Variants in CD99 observed in about 807,000 individuals in gnomAD.
The protein encoded by CD99 is CD99 molecule (Xg blood group).
In CD99, 19 loss-of-function variants were observed where a neutral mutation model predicts 28.4. That is an observed-to-expected ratio of 0.67 (90% confidence interval 0.47 to 0.98). The LOEUF (loss-of-function observed/expected upper bound fraction) is 0.98. Ranked by LOEUF, CD99 falls within the 50% of genes least tolerant of loss-of-function variation. The probability of loss-of-function intolerance (pLI) is 0.00; values close to 1 mark genes in which losing one functional copy is unlikely to be tolerated. For missense variants in CD99, 283 were observed against 248.8 expected (o/e 1.14, Z -0.92); for synonymous variants, 103 against 92.1 (o/e 1.12, Z -0.67).
At chrX:2,730,293 T>C (rs57649237) in intron 8 of CD99, among the ~76,000 whole-genome samples, 1 of 151,846 alleles carries the variant, frequency 6.6e-6, no homozygotes, top group Non-Finnish European at 1.5e-5. Flanking sequence ...CTGCCTCAGC[T>C]TCCCGAGCAG....
At chrX:2,730,310 C>G (rs1018021794) in intron 8 of CD99, among the ~76,000 whole-genome samples, 1 of 151,774 alleles carries the variant, frequency 6.6e-6, no homozygotes, top group Non-Finnish European at 1.5e-5. Context: ...GCAGCTGGGA[C>G]TACAGGCGCG....
At chrX:2,703,320 C>T (rs1182554755) in intron 1 of CD99, among the ~76,000 whole-genome samples, 1 of 152,036 alleles carries the variant, frequency 6.6e-6, no homozygotes, top group East Asian at 1.9e-4. Flanking sequence ...CATGGTCTCA[C>T]GGGGAAAATA....
chrX:2,723,867 A>G (rs2049130509), intron 7 of CD99, among the ~76,000 whole-genome samples: 1 of 152,126 alleles, frequency 6.6e-6, no homozygotes, highest in Non-Finnish European at 1.5e-5. Flanking sequence ...AGATGGGACA[A>G]GAAAATAATG....
intron 1 of CD99, among the ~76,000 whole-genome samples, chrX:2,699,362 A>G (rs311040): frequency 1 from 152,024 of 152,026 alleles, 76,011 homozygotes; most frequent in Middle Eastern, 1. Flanking sequence ...TAGAGACGGG[A>G]TTTCACTATG....
At chrX:2,722,792 C>A in intron 6 of CD99, 118 bp downstream of exon 6, 1 of 1,092,496 alleles carries the variant, frequency 9.2e-7, no homozygotes, top group Non-Finnish European at 1.4e-6. Context: ...GTGAAATGTT[C>A]AGCCATCTCT....
At chrX:2,732,043 TG>T (rs2049638656) in intron 8 of CD99, among the ~76,000 whole-genome samples, 1 of 152,148 alleles carries the variant, frequency 6.6e-6, no homozygotes, top group African/African-American at 2.4e-5. Context: ...GACAGAGTCT[TG>T]CTATGTTGCC....
chrX:2,726,538 T>A, intron 8 of CD99, 165 bp downstream of exon 8: 1 of 696,904 alleles, frequency 1.4e-6, no homozygotes, highest in East Asian at 2.7e-5. Context: ...CTGGCTTTGA[T>A]TTCAGGGCTG....
intron 1 of CD99, chrX:2,691,858 G>A (rs1292688838): frequency 1.3e-6 from 1 of 778,780 alleles, no homozygotes; most frequent in South Asian, 1.3e-5. Flanking sequence ...GCCACGCCCT[G>A]CGTCCCGGGC....
intron 4 of CD99, 77 bp downstream of exon 4, chrX:2,719,782 C>T: frequency 6.9e-7 from 1 of 1,455,256 alleles, no homozygotes. Flanking sequence ...AGAGAGAATT[C>T]TCCCATTTAA....
chrX:2,737,805 TG>T, intron 8 of CD99: 1 of 358,674 alleles, frequency 2.8e-6, no homozygotes, highest in South Asian at 2.3e-5. Context: ...CGTCTGCATT[TG>T]TTTGATGAGT....
intron 1 of CD99, chrX:2,691,959 C>G (rs368117205): frequency 5.4e-5 from 42 of 775,730 alleles, no homozygotes; most frequent in Middle Eastern, 4.6e-4. Flanking sequence ...TGAAAATGTT[C>G]AAAAATACTC....
At chrX:2,694,479 G>T (rs990667468) in intron 1 of CD99, among the ~76,000 whole-genome samples, 18 of 149,664 alleles carry the variant, frequency 1.2e-4, no homozygotes, top group African/African-American at 4.5e-4. Context: ...GGCCGAGCAC[G>T]GTGACTCAGG....
rs376993747 is a variant in CD99 at position 2,722,651 on chromosome X, C to T, written c.287C>T (p.Ala96Val). 34 of 1,613,926 alleles carry T rather than the reference C, an allele frequency of 2.1e-5. No individual in the cohort carries two copies. The highest frequency in any genetic ancestry group is 8.0e-5 in the African/African-American group (6 of 75,026). ...GGTAGCTTTTCAGATGCTGACCTTGCGGATGGCGTTTCAGGTGGAGAAGGT... is the reference window on the plus strand; with the variant it reads ...GGTAGCTTTTCAGATGCTGACCTTGTGGATGGCGTTTCAGGTGGAGAAGGT... ...SSGSFSDADL[A>V]DGVSGGEGKG... Residue 96 changes from alanine (A) to valine (V), a missense_variant, in exon 6 of 10, where the codon GCG becomes GTG. Ala to Val is a moderately conservative substitution (Grantham distance 64). Coordinates refer to ENST00000381192, the MANE Select transcript of CD99 (RefSeq NM_002414.5).
intron 1 of CD99, among the ~76,000 whole-genome samples, chrX:2,700,773 T>G (rs947818192): frequency 6.3e-4 from 96 of 151,490 alleles, no homozygotes; most frequent in Non-Finnish European, 1.1e-3. Context: ...CTTTCATCAA[T>G]TTACCCATCT....
intron 7 of CD99, among the ~76,000 whole-genome samples, chrX:2,725,843 C>T (rs759851585): frequency 6.6e-6 from 1 of 152,254 alleles, no homozygotes; most frequent in African/African-American, 2.4e-5. Context: ...AAACTCCTGA[C>T]CTCAGGCGAT....
chrX:2,733,306 AGTT>A, intron 8 of CD99: 3 of 1,546,380 alleles, frequency 1.9e-6, no homozygotes, highest in Non-Finnish European at 2.6e-6. Flanking sequence ...ACCCAGCACC[AGTT>A]TACTTTTTGT....
chrX:2,704,644 G>A (rs1330189123), intron 1 of CD99, among the ~76,000 whole-genome samples: 4 of 151,950 alleles, frequency 2.6e-5, no homozygotes, highest in African/African-American at 4.8e-5. Flanking sequence ...GGCTGGTCTC[G>A]AACCCCTGAC....
chrX:2,704,591 G>T (rs1301353076), intron 1 of CD99, among the ~76,000 whole-genome samples: 3 of 151,576 alleles, frequency 2.0e-5, no homozygotes, highest in Non-Finnish European at 4.4e-5. Flanking sequence ...ACGCCACCAT[G>T]CCCAGCTAAT....
At chrX:2,714,389 T>C (rs1180423617) in intron 1 of CD99, 33 bp from the exon 2 acceptor site, 4 of 1,507,702 alleles carry the variant, frequency 2.7e-6, no homozygotes, top group Non-Finnish European at 3.6e-6. Context: ...TTATTTTTCT[T>C]GTTTCTAAGT....
Sources: allele counts gnomAD v4.1 joint callset (sites outside exome capture counted in the v4.1 genomes callset), GRCh38; gene constraint gnomAD v4.1.1; transcripts MANE v1.5; gene names NCBI Gene and HGNC (gene_info 2026-07-23, HGNC 2026-07-21).